Variants in ITGA8 observed in about 807,000 individuals in gnomAD.
ITGA8 encodes integrin alpha-8.
In ITGA8, 91 loss-of-function variants were observed where a neutral mutation model predicts 142.3. That is an observed-to-expected ratio of 0.64 (90% CI 0.54 to 0.76). The LOEUF (loss-of-function observed/expected upper bound fraction) is 0.76, where lower values mean the gene tolerates loss of function less well. Among genes scored for constraint, ITGA8 ranks in the 30% least tolerant of loss-of-function variants. The pLI, the probability that ITGA8 is intolerant of heterozygous loss-of-function variation, is 0.00. For synonymous variants in ITGA8, 505 were observed against 485.2 expected (o/e 1.04, Z -0.54); for missense variants, 1,406 against 1,327.7 (o/e 1.06, Z -0.92).
At chr10:15,634,226 T>C (rs1833732693) in intron 13 of ITGA8, among the ~76,000 whole-genome samples, 1 of 152,186 alleles carries the variant, frequency 6.6e-6, no homozygotes, top group African/African-American at 2.4e-5. Flanking sequence ...TATATTACAG[T>C]TCATTGTTGG....
At chr10:15,583,773 ATGTT>A (rs1834460086) in intron 23 of ITGA8, among the ~76,000 whole-genome samples, 1 of 152,188 alleles carries the variant, frequency 6.6e-6, no homozygotes, top group African/African-American at 2.4e-5. Context: ...TCTATATTGT[ATGTT>A]CTTTTGATGT....
At position 15,694,209 on chromosome 10, in the gene ITGA8, TATG is replaced by T. The variant is rs550989485; in HGVS notation, c.344-6174_344-6172del. Among the ~76,000 whole-genome samples, 557 of 141,974 alleles carry T rather than the reference TATG, an allele frequency of 3.9e-3. 5 individuals are homozygous for T. Among genetic ancestry groups the T allele is most frequent in the African/African-American group, 0.014 (529 of 38,820 alleles). 93.1% of individuals were successfully genotyped at this position (141,974 alleles called of 152,430 possible). ...CATATATATGATAATATATCATATA[TATG>T]ATAACATATCATATATATGATAATA... On this transcript the variant is annotated intron_variant, in intron 2 of 29. Transcript: ENST00000378076.
At position 15,718,882 on chromosome 10, in the gene ITGA8, C is replaced by A; in HGVS notation, c.227G>T (p.Gly76Val). Residue 76 changes from glycine (G) to valine (V), a missense_variant, in exon 2 of 30, where the codon GGG becomes GTG. Coordinates refer to ENST00000378076, the MANE Select transcript of ITGA8 (RefSeq NM_003638.3). ...PDARTASVLV[G>V]APKANTSQPD... ...CTGGCTGGTGTTGGCTTTGGGCGCC[C>A]CCACCAAGACACTCGCTCTGCAAAA... is the stretch of plus-strand genomic sequence containing the variant. 1 of 1,614,030 alleles carries A rather than the reference C, an allele frequency of 6.2e-7. No homozygotes were observed. Among genetic ancestry groups the A allele is most frequent in the Non-Finnish European group, 8.5e-7 (1 of 1,180,014 alleles).
Position 15,601,261 on chromosome 10 carries a change from T to A in ITGA8, c.2118+2947A>T, listed in dbSNP as rs1320712337. On this transcript the variant is annotated intron_variant, in intron 20 of 29. Transcript: ENST00000378076. Reference sequence around the variant, plus strand: ...AAAAAAAAGGAAAGAAAAAAGAAAATGGAAGGGAAGAGGGGTGTGAGTGGG... The same window carrying A: ...AAAAAAAAGGAAAGAAAAAAGAAAAAGGAAGGGAAGAGGGGTGTGAGTGGG... 2.0e-5 allele frequency among the ~76,000 whole-genome samples: 3 copies of A among 150,266 alleles called. No individual in the cohort carries two copies. The East Asian group carries it at 5.9e-4, about 29-fold the overall frequency.
At chr10:15,613,788 G>C in intron 14 of ITGA8, 21 bp from the exon 15 acceptor site, 1 of 1,562,666 alleles carries the variant, frequency 6.4e-7, no homozygotes, top group Non-Finnish European at 8.8e-7. Context: ...AAAATGCAGG[G>C]TTTGTTTAAA....
At chr10:15,711,512 T>A (rs1299212957) in intron 2 of ITGA8, among the ~76,000 whole-genome samples, 1 of 152,064 alleles carries the variant, frequency 6.6e-6, no homozygotes, top group Non-Finnish European at 1.5e-5. Flanking sequence ...ACATTTATTT[T>A]ATTTACATAT....
At chr10:15,664,577 A>AT (rs981325029) in intron 8 of ITGA8, among the ~76,000 whole-genome samples, 39 of 151,580 alleles carry the variant, frequency 2.6e-4, no homozygotes, top group South Asian at 6.3e-4. Context: ...CAGGTTTGTT[A>AT]CATATGTATA....
chr10:15,540,192 T>C (rs1588632816), intron 27 of ITGA8, among the ~76,000 whole-genome samples: 1 of 152,224 alleles, frequency 6.6e-6, no homozygotes, highest in African/African-American at 2.4e-5. Context: ...CAATAAATTA[T>C]TGTTAACTAT....
chr10:15,657,748 C>T lies in ITGA8; in HGVS notation c.948+1251G>A, dbSNP rs116204118. Among the ~76,000 whole-genome samples, 905 of 152,206 alleles carry T rather than the reference C, an allele frequency of 5.9e-3. 7 individuals are homozygous for T. The highest frequency in any genetic ancestry group is 0.021 in the African/African-American group (872 of 41,532). ...TTCTCTCCTCTTCAAATTTAATTAA[C>T]ATGGTTAGTTTTAAATGTATTACTT... On this transcript the variant is annotated intron_variant, in intron 10 of 29. Coordinates refer to ENST00000378076, the MANE Select transcript of ITGA8 (RefSeq NM_003638.3).
chr10:15,695,270 G>A (rs1051813366), intron 2 of ITGA8, among the ~76,000 whole-genome samples: 3 of 152,124 alleles, frequency 2.0e-5, no homozygotes, highest in African/African-American at 7.2e-5. Context: ...AGGTCTCTAT[G>A]TACTGAGACG....
chr10:15,554,771 G>A (rs948189282), intron 26 of ITGA8, among the ~76,000 whole-genome samples: 2 of 150,256 alleles, frequency 1.3e-5, no homozygotes, highest in Admixed American at 1.3e-4. Context: ...GAAGAAAAGA[G>A]GTTTAATTGA....
intron 27 of ITGA8, among the ~76,000 whole-genome samples, chr10:15,544,883 G>A (rs560778526): frequency 3.7e-4 from 57 of 152,182 alleles, no homozygotes; most frequent in South Asian, 8.3e-4. Context: ...TTAGGAGATC[G>A]CTCAAGCAGC....
intron 8 of ITGA8, among the ~76,000 whole-genome samples, chr10:15,670,729 C>T (rs1411847544): frequency 1.3e-5 from 2 of 152,098 alleles, no homozygotes; most frequent in African/African-American, 4.8e-5. Context: ...ATATTTACTC[C>T]TCAGCTGAAA....
chr10:15,537,634 G>T (rs1484884923), intron 27 of ITGA8, among the ~76,000 whole-genome samples: 1 of 152,106 alleles, frequency 6.6e-6, no homozygotes, highest in Non-Finnish European at 1.5e-5. Context: ...TGAAGTGTGT[G>T]GGCTAAAATA....
chr10:15,668,588 T>G (rs1233889275), intron 8 of ITGA8, among the ~76,000 whole-genome samples: 1 of 152,154 alleles, frequency 6.6e-6, no homozygotes, highest in Non-Finnish European at 1.5e-5. Flanking sequence ...ATTTTGCTCG[T>G]TAGTTGATGC....
At chr10:15,677,286 T>C (rs946618480) in intron 6 of ITGA8, among the ~76,000 whole-genome samples, 1 of 152,180 alleles carries the variant, frequency 6.6e-6, no homozygotes, top group Non-Finnish European at 1.5e-5. Flanking sequence ...CTAGAAGAGA[T>C]TTAAAATGTT....
At chr10:15,665,236 T>G (rs1345184373) in intron 8 of ITGA8, among the ~76,000 whole-genome samples, 2 of 152,238 alleles carry the variant, frequency 1.3e-5, no homozygotes, top group Non-Finnish European at 2.9e-5. Context: ...TATCTCATTG[T>G]GGTTTTGATT....
chr10:15,674,804 G>A (rs1314895357), intron 6 of ITGA8, among the ~76,000 whole-genome samples: 2 of 152,048 alleles, frequency 1.3e-5, no homozygotes, highest in Non-Finnish European at 2.9e-5. Flanking sequence ...GCCAGGTGTG[G>A]TGGCATGCAA....
chr10:15,650,563 C>G (rs537297191), intron 11 of ITGA8, among the ~76,000 whole-genome samples: 115 of 152,256 alleles, frequency 7.6e-4, no homozygotes, highest in Middle Eastern at 3.4e-3. Flanking sequence ...CAAGAAGGCC[C>G]TCATCAGATG....
Sources: allele counts gnomAD v4.1 joint callset (sites outside exome capture counted in the v4.1 genomes callset), GRCh38; gene constraint gnomAD v4.1.1; transcripts MANE v1.5; gene names NCBI Gene and HGNC (gene_info 2026-07-23, HGNC 2026-07-21).